Variants in OTUD7A observed in about 807,000 individuals in gnomAD.
The protein encoded by OTUD7A is OTU deubiquitinase 7A, also known as OTU domain-containing protein 7A.
A neutral mutation model predicts 65.7 loss-of-function variants in OTUD7A; 12 were observed. The ratio of observed to expected loss-of-function variants is 0.18; its 90% CI spans 0.12 to 0.30. The LOEUF (loss-of-function observed/expected upper bound fraction) is 0.30, where lower values mean the gene tolerates loss of function less well. Among genes scored for constraint, OTUD7A ranks in the 10% least tolerant of loss-of-function variants. The pLI, the probability that OTUD7A is intolerant of heterozygous loss-of-function variation, is 1.00. For synonymous variants in OTUD7A, 641 were observed against 586.3 expected, an observed-to-expected ratio of 1.09 and a Z score of -1.35; for missense variants, 1,148 against 1,304.8, an observed-to-expected ratio of 0.88 and a Z score of 1.85.
At chr15:31,797,127 T>C (rs145092975) in intron 1 of OTUD7A, among the ~76,000 whole-genome samples, 1 of 152,264 alleles carries the variant, frequency 6.6e-6, no homozygotes, top group African/African-American at 2.4e-5. Context: ...CATTCAGAGC[T>C]GCCCTAGTGG....
chr15:31,742,080 TG>T (rs1894359810), intron 1 of OTUD7A, among the ~76,000 whole-genome samples: 2 of 152,130 alleles, frequency 1.3e-5, no homozygotes, highest in Admixed American at 1.3e-4. Context: ...TACATACTTT[TG>T]TTTTTCTTTA....
chr15:31,483,809 C>G lies in OTUD7A; in HGVS notation c.2287G>C (p.Gly763Arg). 2 of 1,006,028 alleles carry G rather than the reference C, an allele frequency of 2.0e-6. No individual in the cohort carries two copies. 62.3% of individuals were successfully genotyped at this position (1,006,028 alleles called of 1,614,324 possible). A position where few individuals can be genotyped will look rare whatever the true frequency, so the allele number is the denominator to read the frequency against. ...GGGARRASAS[G>R]PVPGRSPPAP... is the part of the protein sequence containing the mutation. ...GGGGGGCTGCGGCCAGGCACTGGTC[C>G]GCTGGCGCTCGCACGCCGCGCGCCT... Residue 763 changes from glycine (G) to arginine (R), a missense_variant, in exon 13 of 13, where the codon GGA becomes CGA. Physicochemically the swap from Gly to Arg is moderately radical, Grantham distance 125. Coordinates refer to ENST00000307050, the MANE Select transcript of OTUD7A (RefSeq NM_001382637.1).
At chr15:31,610,617 A>ATATATATTTTTTTTTTTTTTTTTTTTTTT in intron 3 of OTUD7A, among the ~76,000 whole-genome samples, 1 of 30,560 alleles carries the variant, frequency 3.3e-5, no homozygotes, top group Non-Finnish European at 4.9e-5. Context: ...ATATATATAT[A>ATATATATTTTTTTTTTTTTTTTTTTTTTT]TTTTTTTTTT....
intron 1 of OTUD7A, chr15:31,767,241 G>A (rs1442447303): frequency 1.1e-6 from 1 of 918,938 alleles, no homozygotes; most frequent in African/African-American, 1.6e-5. Context: ...TATCCCACTG[G>A]ATCTATCTGA....
chr15:31,870,148 C>A (rs1897988503), intron 1 of OTUD7A, among the ~76,000 whole-genome samples: 1 of 149,952 alleles, frequency 6.7e-6, no homozygotes, highest in South Asian at 2.1e-4. Flanking sequence ...CCACGCCTGG[C>A]ATCACGTTCC....
chr15:31,539,590 A>G (rs1041875949), intron 5 of OTUD7A, among the ~76,000 whole-genome samples: 1 of 152,222 alleles, frequency 6.6e-6, no homozygotes, highest in African/African-American at 2.4e-5. Context: ...ATGAAAATAA[A>G]TTACAAAAAT....
Position 31,609,574 on chromosome 15 carries a change from A to C in OTUD7A, c.152-39377T>G, listed in dbSNP as rs115380975. Among the ~76,000 whole-genome samples, 872 of 152,148 alleles carry C rather than the reference A, an allele frequency of 5.7e-3. 10 individuals carry two copies. The highest frequency in any genetic ancestry group is 0.02 in the African/African-American group (837 of 41,538). ...AGCAGCCGCAGCACAGCAAGACCCA[A>C]CGGAGAGTCTGAGCTCAGACACGCC... On this transcript the variant is annotated intron_variant, in intron 3 of 12. Transcript: ENST00000307050.
chr15:31,784,919 G>T (rs1160058774), intron 1 of OTUD7A, among the ~76,000 whole-genome samples: 4 of 152,170 alleles, frequency 2.6e-5, no homozygotes, highest in African/African-American at 9.7e-5. Flanking sequence ...AGAATGGGGA[G>T]GCTGGAGTTA....
intron 1 of OTUD7A, among the ~76,000 whole-genome samples, chr15:31,753,701 ATTATAT>A (rs1192483871): frequency 2.5e-5 from 1 of 40,498 alleles, no homozygotes; most frequent in African/African-American, 1.6e-4. Flanking sequence ...ATATATATAT[ATTATAT>A]ATATATATAT....
intron 1 of OTUD7A, among the ~76,000 whole-genome samples, chr15:31,753,706 A>ATATATATATATATAT (rs1210220255): frequency 4.2e-5 from 3 of 70,764 alleles, no homozygotes; most frequent in East Asian, 8.1e-4. Context: ...TATATATTAT[A>ATATATATATATATAT]TATATATATA....
At chr15:31,531,787 G>A (rs1161890865) in intron 5 of OTUD7A, among the ~76,000 whole-genome samples, 3 of 152,166 alleles carry the variant, frequency 2.0e-5, no homozygotes, top group Admixed American at 6.5e-5. Context: ...AGAAGGCTGA[G>A]TACAAAGCCA....
chr15:31,619,189 G>A (rs889308016), intron 3 of OTUD7A, among the ~76,000 whole-genome samples: 1 of 152,108 alleles, frequency 6.6e-6, no homozygotes. Context: ...CTTGTAGTAT[G>A]GTTTGAAGTC....
At chr15:31,509,403 C>G (rs773245863) in intron 8 of OTUD7A, among the ~76,000 whole-genome samples, 25 of 152,110 alleles carry the variant, frequency 1.6e-4, no homozygotes, top group Middle Eastern at 6.8e-3. Context: ...CTCAGCCTCC[C>G]GAGTAGCTGG....
At chr15:31,520,246 G>T (rs2141110268) in intron 8 of OTUD7A, among the ~76,000 whole-genome samples, 1 of 152,260 alleles carries the variant, frequency 6.6e-6, no homozygotes, top group East Asian at 1.9e-4. Flanking sequence ...TGTACTACAA[G>T]GTTATAGTAA....
chr15:31,714,970 T>C (rs1312345047), intron 1 of OTUD7A, among the ~76,000 whole-genome samples: 1 of 150,628 alleles, frequency 6.6e-6, no homozygotes, highest in Non-Finnish European at 1.5e-5. Flanking sequence ...ACCCCGTCTC[T>C]ACTAAAAATA....
At chr15:31,550,176 G>A (rs1888274674) in intron 5 of OTUD7A, among the ~76,000 whole-genome samples, 1 of 151,654 alleles carries the variant, frequency 6.6e-6, no homozygotes, top group Non-Finnish European at 1.5e-5. Context: ...GACCAGTCTG[G>A]ACTCTGTTCT....
intron 12 of OTUD7A, among the ~76,000 whole-genome samples, chr15:31,485,353 A>C (rs1280609902): frequency 6.6e-6 from 1 of 152,214 alleles, no homozygotes; most frequent in Non-Finnish European, 1.5e-5. Flanking sequence ...AGGGATGCCA[A>C]ATCGCTTCAG....
At chr15:31,516,000 A>G (rs554750078) in intron 8 of OTUD7A, among the ~76,000 whole-genome samples, 143 of 152,064 alleles carry the variant, frequency 9.4e-4, no homozygotes, top group Admixed American at 7.0e-3. Flanking sequence ...TCATCCTTCA[A>G]TTCTTCCATT....
rs930145547 is a variant in OTUD7A at position 31,476,616 on chromosome 15, T to G, written c.*6678A>C. ...CAATTCAAGCACAGGAATGCACATGTGTGGGCCCACTCACTGCTGGCTGGA... is the reference window on the plus strand; with the variant it reads ...CAATTCAAGCACAGGAATGCACATGGGTGGGCCCACTCACTGCTGGCTGGA... On this transcript the variant is annotated 3_prime_UTR_variant, in exon 13 of 13. Transcript: ENST00000307050. 1.3e-5 allele frequency: 2 copies of G among 152,260 alleles called. No homozygotes were observed. The highest frequency in any genetic ancestry group is 4.8e-5 in the African/African-American group (2 of 41,438). The allele number at this position is 152,260 out of a possible 1,614,324, so 9.4% of individuals were successfully genotyped here.
Sources: gnomAD v4.1 joint callset for allele counts (sites outside exome capture counted in the v4.1 genomes callset) on GRCh38, gnomAD v4.1.1 for gene constraint, MANE v1.5 for transcripts, NCBI Gene and HGNC (gene_info 2026-07-23, HGNC 2026-07-21) for gene names.